ITGA6: variants seen among roughly 807,000 people sequenced by gnomAD.
ITGA6 encodes the protein integrin alpha-6.
ITGA6 carries 63 observed loss-of-function variants against 133.6 expected under a neutral mutation model. That is an observed-to-expected ratio of 0.47 (90% CI 0.38 to 0.58). The LOEUF (loss-of-function observed/expected upper bound fraction) is 0.58, where lower values mean the gene tolerates loss of function less well. Ranked by LOEUF, ITGA6 falls within the 20% of genes least tolerant of loss-of-function variation. ITGA6 has a pLI of 0.00. For missense variants in ITGA6, 1,068 were observed against 1,309.4 expected (o/e 0.82, Z 2.85); for synonymous variants, 434 against 482.0 (o/e 0.90, Z 1.30).
At chr2:172,436,368 C>G (rs931897021) in intron 1 of ITGA6, among the ~76,000 whole-genome samples, 6 of 152,196 alleles carry the variant, frequency 3.9e-5, no homozygotes, top group African/African-American at 1.4e-4. Context: ...TAGAAAAGCA[C>G]CTTCTAAGGC....
chr2:172,490,659 A>G (rs1686882791), intron 20 of ITGA6: 3 of 280,668 alleles, frequency 1.1e-5, no homozygotes. Context: ...AGATGTGCTG[A>G]CTACCATGTT....
At chr2:172,468,528 G>C (rs1685781550) in intron 3 of ITGA6, among the ~76,000 whole-genome samples, 1 of 152,172 alleles carries the variant, frequency 6.6e-6, no homozygotes, top group Non-Finnish European at 1.5e-5. Context: ...AGAAATTATA[G>C]AGATTATTTC....
intron 1 of ITGA6, among the ~76,000 whole-genome samples, chr2:172,452,296 A>G (rs1027383437): frequency 1.2e-4 from 18 of 152,176 alleles, no homozygotes; most frequent in Non-Finnish European, 2.4e-4. Context: ...AATGAGATCA[A>G]GGTGGGCTTC....
At chr2:172,435,616 CTTTTTTTTTTTT>C (rs58005683) in intron 1 of ITGA6, among the ~76,000 whole-genome samples, 1 of 82,250 alleles carries the variant, frequency 1.2e-5, no homozygotes, top group Non-Finnish European at 2.2e-5. Flanking sequence ...AGTTTTGTTT[CTTTTTTTTTTTT>C]TTTTTTTTTT....
At chr2:172,439,724 C>A (rs374141260) in intron 1 of ITGA6, among the ~76,000 whole-genome samples, 1 of 152,128 alleles carries the variant, frequency 6.6e-6, no homozygotes, top group Admixed American at 6.5e-5. Context: ...ACCAGCTCAA[C>A]CTTTTCTCTC....
chr2:172,496,936 G>T (rs1196609047), intron 23 of ITGA6, among the ~76,000 whole-genome samples: 6 of 152,196 alleles, frequency 3.9e-5, no homozygotes. Context: ...CTCAGCAGCA[G>T]GAGCAACTTA....
chr2:172,503,931 T>C (rs1200850655), intron 25 of ITGA6, 160 bp from the exon 26 acceptor site: 2 of 489,934 alleles, frequency 4.1e-6, no homozygotes, highest in Non-Finnish European at 7.0e-6. Context: ...GGCTCTTCTT[T>C]CATTTCAGCC....
chr2:172,445,481 CTACAAAAAA>C (rs971277508), intron 1 of ITGA6, among the ~76,000 whole-genome samples: 3 of 150,742 alleles, frequency 2.0e-5, no homozygotes, highest in Non-Finnish European at 4.4e-5. Flanking sequence ...AACCCCGTCT[CTACAAAAAA>C]TACAAAAAAT....
Position 172,427,710 on chromosome 2 carries a change from C to G in ITGA6, c.-79C>G, listed in dbSNP as rs148497864. 7.2e-7 allele frequency: 1 copy of G among 1,396,180 alleles called. No homozygotes were observed. Among genetic ancestry groups the G allele is most frequent in the Non-Finnish European group, 9.3e-7 (1 of 1,075,978 alleles). 86.5% of individuals were successfully genotyped at this position (1,396,180 alleles called of 1,614,324 possible). A position where few individuals can be genotyped will look rare whatever the true frequency, so the allele number is the denominator to read the frequency against. On this transcript the variant is annotated 5_prime_UTR_variant, in exon 1 of 26. Transcript: ENST00000684293. ...GAGGCGAAGGTGGCTGCGGTAGCAG[C>G]AGCGCGGCAGCCTCGGACCCAGCCC...
chr2:172,479,894 A>G (rs547378066), intron 10 of ITGA6, 96 bp from the exon 11 acceptor site: 300 of 1,053,362 alleles, frequency 2.8e-4, no homozygotes, highest in Admixed American at 5.7e-4. Context: ...TTGATCATCA[A>G]TGGGCATTGG....
At chr2:172,482,141 C>T (rs779913986) in intron 11 of ITGA6, among the ~76,000 whole-genome samples, 2 of 152,216 alleles carry the variant, frequency 1.3e-5, no homozygotes, top group African/African-American at 2.4e-5. Flanking sequence ...CAGACTTTCT[C>T]CTAGCTGTAG....
chr2:172,430,405 A>G (rs1162794863), intron 1 of ITGA6, among the ~76,000 whole-genome samples: 1 of 152,232 alleles, frequency 6.6e-6, no homozygotes, highest in Non-Finnish European at 1.5e-5. Flanking sequence ...ACTCAGTCAT[A>G]TTTATGAAAC....
At chr2:172,454,242 C>T (rs970568609) in intron 1 of ITGA6, among the ~76,000 whole-genome samples, 11 of 151,970 alleles carry the variant, frequency 7.2e-5, no homozygotes, top group African/African-American at 2.4e-4. Context: ...TGCCACCGTG[C>T]CCACCTGATT....
In ITGA6 at chr2:172,480,060, C is replaced by G. The variant is rs762993709; in HGVS notation, c.1549+9C>G. 6.8e-7 allele frequency: 1 copy of G among 1,463,730 alleles called. No individual in the cohort carries two copies. Among genetic ancestry groups the G allele is most frequent in the Non-Finnish European group, 9.6e-7 (1 of 1,043,146 alleles). 90.7% of individuals were successfully genotyped at this position (1,463,730 alleles called of 1,614,324 possible). A position where few individuals can be genotyped will look rare whatever the true frequency, so the allele number is the denominator to read the frequency against. On this transcript the variant is annotated intron_variant, in intron 11 of 25. Transcript: ENST00000684293. ...TTATAATCCTTCAATATGTAAGTAC[C>G]TAGTACCTTTAAAATATGTCTACTT...
At chr2:172,466,143 T>G (rs13391669) in intron 2 of ITGA6, 1 of 244,206 alleles carries the variant, frequency 4.1e-6, no homozygotes, top group Non-Finnish European at 8.2e-6. Flanking sequence ...TTAAGGGCTC[T>G]GGATAGGTAG....
chr2:172,427,997 C>G (rs548107179), intron 1 of ITGA6, 27 bp downstream of exon 1: 47 of 1,588,140 alleles, frequency 3.0e-5, no homozygotes, highest in South Asian at 1.8e-4. Flanking sequence ...TTCCCACCCC[C>G]ACTGGGGCGC....
chr2:172,471,318 A>AG (rs984837111), intron 5 of ITGA6, among the ~76,000 whole-genome samples: 8 of 152,144 alleles, frequency 5.3e-5, no homozygotes, highest in Non-Finnish European at 1.2e-4. Context: ...GCTCCCTCAA[A>AG]GGGGGAAGAA....
At chr2:172,465,988 T>C in intron 2 of ITGA6, 1 of 411,036 alleles carries the variant, frequency 2.4e-6, no homozygotes, top group Non-Finnish European at 4.6e-6. Context: ...TGAATGAGCG[T>C]ATCTTGTATT....
chr2:172,436,866 T>G (rs1684344013), intron 1 of ITGA6, among the ~76,000 whole-genome samples: 1 of 152,190 alleles, frequency 6.6e-6, no homozygotes, highest in East Asian at 1.9e-4. Flanking sequence ...AAAGGTGTAT[T>G]ATGTTAGATA....
Sources: gnomAD v4.1 joint callset for allele counts (sites outside exome capture counted in the v4.1 genomes callset) on GRCh38, gnomAD v4.1.1 for gene constraint, MANE v1.5 for transcripts, NCBI Gene and HGNC (gene_info 2026-07-23, HGNC 2026-07-21) for gene names.